Variants in KLRF1 observed in about 807,000 individuals in gnomAD.
The protein encoded by KLRF1 is killer cell lectin like receptor F1.
A neutral mutation model predicts 30.7 loss-of-function variants in KLRF1; 27 were observed. The observed-to-expected ratio is 0.88, with a 90% CI of 0.65 to 1.21. The LOEUF (loss-of-function observed/expected upper bound fraction) is 1.21, where lower values mean the gene tolerates loss of function less well. KLRF1 is among the 50% of genes most tolerant of loss of function. KLRF1 has a pLI of 0.00. For synonymous variants in KLRF1, 92 were observed against 89.3 expected (o/e 1.03, Z -0.17); for missense variants, 246 against 259.3 (o/e 0.95, Z 0.35).
At chr12:9,800,305 A>T in the KLRF1 span, among the ~76,000 whole-genome samples, 1 of 152,050 alleles carries the variant, frequency 6.6e-6, no homozygotes, top group Non-Finnish European at 1.5e-5. Flanking sequence ...AATGTTTTCA[A>T]AGAAAATTTT....
In KLRF1 at chr12:9,842,435, T is replaced by C; in HGVS notation, c.587+2T>C. ...TGGTTCTCCAATAGATTCAAAGATG[T>C]GAGTCTTTCTTAAAAGGCAATCTGA... On this transcript the variant is annotated splice_donor_variant, in intron 5 of 5. Transcript: ENST00000617889. LOFTEE classifies it high-confidence loss of function. 1 of 1,610,750 alleles carries C rather than the reference T, an allele frequency of 6.2e-7. No homozygotes were observed. The highest frequency in any genetic ancestry group is 1.1e-5 in the South Asian group (1 of 90,620).
upstream of KLRF1, among the ~76,000 whole-genome samples, chr12:9,824,361 C>T (rs1372634281): frequency 6.6e-6 from 1 of 152,054 alleles, no homozygotes; most frequent in African/African-American, 2.4e-5. Flanking sequence ...CAGAACTAAA[C>T]ACAAAAATCA....
intron 2 of KLRF1, among the ~76,000 whole-genome samples, chr12:9,832,901 A>C (rs757143158): frequency 7.2e-5 from 11 of 152,152 alleles, no homozygotes; most frequent in Admixed American, 1.3e-4. Flanking sequence ...AAGAATAGTC[A>C]GGGTGAGGAA....
the KLRF1 span, among the ~76,000 whole-genome samples, chr12:9,801,127 T>G: frequency 2.0e-5 from 3 of 152,232 alleles, no homozygotes; most frequent in South Asian, 6.2e-4. Flanking sequence ...GTTAGTTTGC[T>G]GAGGATGATG....
chr12:9,815,243 C>T, the KLRF1 span, among the ~76,000 whole-genome samples: 1 of 152,176 alleles, frequency 6.6e-6, no homozygotes, highest in Non-Finnish European at 1.5e-5. Flanking sequence ...CAAATCCTAC[C>T]TATTTTCTAA....
At position 9,828,344 on chromosome 12, in the gene KLRF1, G is replaced by A. The variant is rs186095537; in HGVS notation, c.85+715G>A. Reference sequence around the variant, plus strand: ...GATCCACCCACCTGAGTCTTCCAAAGTGTTGGGATTATAGGCATGAGCCAC... The same window carrying A: ...GATCCACCCACCTGAGTCTTCCAAAATGTTGGGATTATAGGCATGAGCCAC... On this transcript the variant is annotated intron_variant, in intron 1 of 5. Coordinates refer to ENST00000617889, the MANE Select transcript of KLRF1 (RefSeq NM_016523.3). Among the ~76,000 whole-genome samples, 18 of 152,190 alleles carry A rather than the reference G, an allele frequency of 1.2e-4. 1 individual carries two copies. The highest frequency in any genetic ancestry group is 9.8e-4 in the Admixed American group (15 of 15,286).
chr12:9,804,005 G>A, the KLRF1 span, among the ~76,000 whole-genome samples: 1 of 151,712 alleles, frequency 6.6e-6, no homozygotes, highest in African/African-American at 2.4e-5. Context: ...TTGAGGCATT[G>A]CCAAACTGTT....
At chr12:9,833,748 CACTT>C (rs1867501883) in intron 3 of KLRF1, among the ~76,000 whole-genome samples, 1 of 151,992 alleles carries the variant, frequency 6.6e-6, no homozygotes, top group Non-Finnish European at 1.5e-5. Flanking sequence ...TCTTGTTTGT[CACTT>C]ATTTATTCTT....
chr12:9,837,378 A>G (rs1867601136), intron 3 of KLRF1, among the ~76,000 whole-genome samples: 1 of 151,588 alleles, frequency 6.6e-6, no homozygotes, highest in African/African-American at 2.4e-5. Flanking sequence ...ATATATTTAT[A>G]TGTATCTCTA....
chr12:9,819,711 G>A, the KLRF1 span, among the ~76,000 whole-genome samples: 3 of 152,160 alleles, frequency 2.0e-5, no homozygotes, highest in Non-Finnish European at 4.4e-5. Flanking sequence ...TACAGCCTTA[G>A]CCATTGTTGC....
At position 9,842,481 on chromosome 12, in the gene KLRF1, A is replaced by G. The variant is rs755824367; in HGVS notation, c.587+48A>G. On this transcript the variant is annotated intron_variant, in intron 5 of 5. Coordinates refer to ENST00000617889, the MANE Select transcript of KLRF1 (RefSeq NM_016523.3). ...TCTGATTTATTGTTTATTGTAGAAT[A>G]TGTCTCCTCCAGGTTCACCAAATTC... is the stretch of plus-strand genomic sequence containing the variant. The G allele has an allele frequency of 3.8e-6, 6 of 1,568,418 alleles. No homozygotes were observed. In the South Asian group the frequency reaches 5.7e-5, roughly 15 times the overall value.
upstream of KLRF1, among the ~76,000 whole-genome samples, chr12:9,827,010 C>A (rs927140964): frequency 6.6e-6 from 1 of 151,910 alleles, no homozygotes; most frequent in East Asian, 1.9e-4. Flanking sequence ...ACACATGTAG[C>A]CCTGAACCTA....
At chr12:9,814,548 T>C in the KLRF1 span, among the ~76,000 whole-genome samples, 3 of 152,368 alleles carry the variant, frequency 2.0e-5, no homozygotes, top group African/African-American at 7.2e-5. Flanking sequence ...GCTCCGCGTA[T>C]GCTCCTGCAC....
chr12:9,817,336 T>C, the KLRF1 span: 2 of 257,292 alleles, frequency 7.8e-6, no homozygotes, highest in African/African-American at 4.8e-5. Context: ...TCTGCCTTGC[T>C]TTGTAATTCC....
At chr12:9,818,926 G>A in the KLRF1 span, among the ~76,000 whole-genome samples, 15 of 152,292 alleles carry the variant, frequency 9.8e-5, no homozygotes, top group African/African-American at 2.6e-4. Context: ...CACACATTGG[G>A]ATTCATCAAG....
upstream of KLRF1, among the ~76,000 whole-genome samples, chr12:9,826,874 G>A (rs1413174631): frequency 6.6e-6 from 1 of 152,160 alleles, no homozygotes; most frequent in African/African-American, 2.4e-5. Context: ...CTACTTGAAG[G>A]TGGAGGGTGA....
the KLRF1 span, among the ~76,000 whole-genome samples, chr12:9,809,428 T>C: frequency 1.3e-5 from 2 of 152,154 alleles, no homozygotes; most frequent in Non-Finnish European, 2.9e-5. Flanking sequence ...AATGCCTACT[T>C]TTAAGAGTAC....
At chr12:9,837,652 AACTGTTAT>A (rs1867608874) in intron 3 of KLRF1, among the ~76,000 whole-genome samples, 1 of 152,110 alleles carries the variant, frequency 6.6e-6, no homozygotes, top group Non-Finnish European at 1.5e-5. Flanking sequence ...TGTTTGTTCC[AACTGTTAT>A]ACCTTGCCTC....
intron 3 of KLRF1, among the ~76,000 whole-genome samples, chr12:9,839,180 G>C (rs1447108306): frequency 6.6e-6 from 1 of 152,128 alleles, no homozygotes; most frequent in East Asian, 1.9e-4. Context: ...GTTGGGTTCT[G>C]GTGAGGGCCC....
Sources: gnomAD v4.1 joint callset for allele counts (sites outside exome capture counted in the v4.1 genomes callset) on GRCh38, gnomAD v4.1.1 for gene constraint, MANE v1.5 for transcripts, NCBI Gene and HGNC (gene_info 2026-07-23, HGNC 2026-07-21) for gene names.